Variants in CNTN6 observed in about 807,000 individuals in gnomAD.
CNTN6 encodes contactin-6.
In CNTN6, 137 loss-of-function variants were observed where a neutral mutation model predicts 122.8. The observed-to-expected ratio is 1.12, with a 90% CI of 0.97 to 1.29. The LOEUF is 1.29. Ranked by LOEUF, CNTN6 falls within the 50% of genes most tolerant of loss-of-function variation. The probability of loss-of-function intolerance (pLI) is 0.00; values close to 1 mark genes in which losing one functional copy is unlikely to be tolerated. For synonymous variants in CNTN6, 570 were observed against 426.0 expected (o/e 1.34, Z -4.16); for missense variants, 1,634 against 1,223.4 (o/e 1.34, Z -5.01).
Position 1,295,785 on chromosome 3 carries a change from A to T in CNTN6, c.639A>T (p.Pro213=). 2 of 1,613,916 alleles carry T rather than the reference A, an allele frequency of 1.2e-6. No individual in the cohort carries two copies. Among genetic ancestry groups the T allele is most frequent in the Non-Finnish European group, 1.7e-6 (2 of 1,179,792 alleles). Residue 213 remains proline, a synonymous_variant, in exon 6 of 23, where the codon CCA becomes CCT. Transcript: ENST00000446702. ...GAAGTGTTCAAGGTCCACCCACTCCATTAGTGCAGCGCACTGATGGTAAGA... is the reference window on the plus strand; with the variant it reads ...GAAGTGTTCAAGGTCCACCCACTCCTTTAGTGCAGCGCACTGATGGTAAGA... ...AQRSVQGPPT[P]LVQRTDGVMG... is the part of the protein sequence containing the mutation.
intron 19 of CNTN6, among the ~76,000 whole-genome samples, chr3:1,384,816 T>G (rs28484744): frequency 7.1e-6 from 1 of 141,556 alleles, no homozygotes; most frequent in Non-Finnish European, 1.5e-5. Context: ...CACACACATA[T>G]ATATATATAT....
Position 1,402,639 on chromosome 3 carries a change from G to T in CNTN6, c.2986+153G>T, listed in dbSNP as rs73817169. 2,172 of 580,452 alleles carry T rather than the reference G, an allele frequency of 3.7e-3. 35 individuals are homozygous for T. Among genetic ancestry groups the T allele is most frequent in the African/African-American group, 0.036 (1,938 of 53,166 alleles). 36.0% of individuals were successfully genotyped at this position (580,452 alleles called of 1,614,324 possible). On this transcript the variant is annotated intron_variant, in intron 22 of 22. Coordinates refer to ENST00000446702, the MANE Select transcript of CNTN6 (RefSeq NM_001289080.2). ...AAAAGGTGATGAGCCATTTTTTTAA[G>T]TTATTCTCCAAAATTATAACATACA... is the stretch of plus-strand genomic sequence containing the variant.
In CNTN6 at chr3:1,313,833, G is replaced by A. The variant is rs186973505; in HGVS notation, c.762-7817G>A. Among the ~76,000 whole-genome samples the A allele has an allele frequency of 9.2e-4, 140 of 152,154 alleles. 1 individual carries two copies. The highest frequency in any genetic ancestry group is 1.5e-3 in the Non-Finnish European group (102 of 67,982). On this transcript the variant is annotated intron_variant, in intron 7 of 22. Coordinates refer to ENST00000446702, the MANE Select transcript of CNTN6 (RefSeq NM_001289080.2). Reference sequence around the variant, plus strand: ...CATGATCAAGGCAACAGCAGACTTAGTGTTTGGTGAGATGTCTGGTGAGGG... The same window carrying A: ...CATGATCAAGGCAACAGCAGACTTAATGTTTGGTGAGATGTCTGGTGAGGG...
chr3:1,370,450 T>C (rs1708854057), intron 12 of CNTN6, among the ~76,000 whole-genome samples: 2 of 152,142 alleles, frequency 1.3e-5, no homozygotes, highest in Non-Finnish European at 2.9e-5. Flanking sequence ...GGATATCTTT[T>C]ACCCTTATTT....
At chr3:1,226,934 G>T (rs552392913) in intron 3 of CNTN6, among the ~76,000 whole-genome samples, 2 of 152,162 alleles carry the variant, frequency 1.3e-5, no homozygotes, top group African/African-American at 2.4e-5. Context: ...CTGTGCCCTA[G>T]GAATGTATCT....
intron 10 of CNTN6, 38 bp downstream of exon 10, chr3:1,327,624 C>G (rs372760799): frequency 6.3e-7 from 1 of 1,597,332 alleles, no homozygotes; most frequent in African/African-American, 1.3e-5. Flanking sequence ...TTCAAAATGA[C>G]GTTTTAACAA....
At chr3:1,386,367 G>GGAA (rs1692934617) in intron 20 of CNTN6, among the ~76,000 whole-genome samples, 1 of 152,064 alleles carries the variant, frequency 6.6e-6, no homozygotes, top group African/African-American at 2.4e-5. Context: ...CAGCTTACTT[G>GGAA]GAAGTCCCTG....
At chr3:1,150,146 A>G (rs1420353363) in intron 2 of CNTN6, among the ~76,000 whole-genome samples, 2 of 152,152 alleles carry the variant, frequency 1.3e-5, no homozygotes, top group Non-Finnish European at 2.9e-5. Context: ...ACACAAGACA[A>G]CACTGCTTTA....
intron 16 of CNTN6, among the ~76,000 whole-genome samples, chr3:1,375,302 C>T (rs1186484530): frequency 6.6e-6 from 1 of 151,980 alleles, no homozygotes; most frequent in Non-Finnish European, 1.5e-5. Context: ...GTGCCACCTT[C>T]TAACCATTAA....
intron 4 of CNTN6, 41 bp from the exon 5 acceptor site, chr3:1,278,372 A>G: frequency 7.6e-7 from 1 of 1,308,074 alleles, no homozygotes; most frequent in Non-Finnish European, 1.1e-6. Flanking sequence ...TTTATTCTGC[A>G]AAGTAACTAA....
At chr3:1,225,052 C>CATT (rs1372759552) in intron 3 of CNTN6, among the ~76,000 whole-genome samples, 2 of 152,086 alleles carry the variant, frequency 1.3e-5, no homozygotes, top group African/African-American at 4.8e-5. Flanking sequence ...CTAGCCCAGC[C>CATT]ATTATTCTTG....
rs1408347529 is a variant in CNTN6, at chr3:1,142,966, G to GTATA, written c.-82-4960_-82-4959insATAT. On this transcript the variant is annotated intron_variant, in intron 1 of 22. Transcript: ENST00000446702. ...GATACATATAAATTTGTGTGTGTGT[G>GTATA]TGTATATATATATATATATATATAT... Among the ~76,000 whole-genome samples, 701 of 96,380 alleles carry GTATA rather than the reference G, an allele frequency of 7.3e-3. 1 individual carries two copies. The highest frequency in any genetic ancestry group is 8.4e-3 in the Non-Finnish European group (410 of 48,574). The allele number at this position is 96,380 out of a possible 152,430, so 63.2% of individuals were successfully genotyped here. A position where few individuals can be genotyped will look rare whatever the true frequency, so the allele number is the denominator to read the frequency against.
chr3:1,390,323 C>T (rs547234508), intron 20 of CNTN6, among the ~76,000 whole-genome samples: 2,747 of 151,692 alleles, frequency 0.018, 81 homozygotes, highest in African/African-American at 0.063. Flanking sequence ...GGATACATAA[C>T]GAAATGAAGG....
chr3:1,099,343 G>A (rs11128530), intron 1 of CNTN6, among the ~76,000 whole-genome samples: 1 of 151,352 alleles, frequency 6.6e-6, no homozygotes, highest in Non-Finnish European at 1.5e-5. Flanking sequence ...CCCAGCTACT[G>A]GGGAGGCTGA....
At chr3:1,347,158 TGA>T (rs1281338472) in intron 11 of CNTN6, among the ~76,000 whole-genome samples, 1 of 152,204 alleles carries the variant, frequency 6.6e-6, no homozygotes, top group East Asian at 1.9e-4. Flanking sequence ...TTCTGAATTT[TGA>T]CTCATAATGC....
chr3:1,259,477 A>G (rs185047745), intron 4 of CNTN6, among the ~76,000 whole-genome samples: 1 of 152,222 alleles, frequency 6.6e-6, no homozygotes, highest in East Asian at 1.9e-4. Context: ...TACTATTCAC[A>G]GGACACTAGA....
rs549419111 is a variant in CNTN6 at position 1,201,276 on chromosome 3, A to G, written c.56-19411A>G. ...GAGTAAGCCGCCATGCTCAGCCCCTATTCTCTTTCTAAAAGAATCCATTTG... is the reference window on the plus strand; with the variant it reads ...GAGTAAGCCGCCATGCTCAGCCCCTGTTCTCTTTCTAAAAGAATCCATTTG... On this transcript the variant is annotated intron_variant, in intron 2 of 22. Transcript: ENST00000446702. 7.9e-5 allele frequency among the ~76,000 whole-genome samples: 12 copies of G among 152,122 alleles called. 1 individual carries two copies. In the East Asian group the frequency reaches 2.1e-3, roughly 27 times the overall value.
At chr3:1,278,862 T>C (rs1275978947) in intron 5 of CNTN6, among the ~76,000 whole-genome samples, 1 of 152,210 alleles carries the variant, frequency 6.6e-6, no homozygotes. Flanking sequence ...CTTGGTTTTC[T>C]CATCTATAAA....
intron 1 of CNTN6, among the ~76,000 whole-genome samples, chr3:1,118,066 T>C (rs2091799167): frequency 6.6e-6 from 1 of 152,160 alleles, no homozygotes; most frequent in African/African-American, 2.4e-5. Flanking sequence ...CAAATACCTA[T>C]GCCATGTTTT....
Sources: allele counts gnomAD v4.1 joint callset (sites outside exome capture counted in the v4.1 genomes callset), GRCh38; gene constraint gnomAD v4.1.1; transcripts MANE v1.5; gene names NCBI Gene and HGNC (gene_info 2026-07-23, HGNC 2026-07-21).